Variants in ZAN observed in about 807,000 individuals in gnomAD.
The protein encoded by ZAN is zonadhesin, also known as zonadhesin (gene/pseudogene).
In ZAN, 260 loss-of-function variants were observed where a neutral mutation model predicts 286.2. That is an observed-to-expected ratio of 0.91 (90% confidence interval 0.82 to 1.01). ZAN has a LOEUF of 1.01. Among genes scored for constraint, ZAN ranks in the 50% least tolerant of loss-of-function variants. The pLI, the probability that ZAN is intolerant of heterozygous loss-of-function variation, is 0.00. For synonymous variants in ZAN, 1,368 were observed against 1,417.5 expected, an observed-to-expected ratio of 0.97 and a Z score of 0.79; for missense variants, 3,410 against 3,639.2, an observed-to-expected ratio of 0.94 and a Z score of 1.62.
chr7:100,767,538 C>T (rs540591775), intron 25 of ZAN, among the ~76,000 whole-genome samples: 7 of 132,310 alleles, frequency 5.3e-5, no homozygotes, highest in Admixed American at 4.5e-4. Context: ...TGCAGTGGTG[C>T]GATCATAGCT....
In ZAN at chr7:100,748,059, G is replaced by A. The variant is rs967703924; in HGVS notation, c.1024-78G>A. The A allele has an allele frequency of 5.8e-6, 7 of 1,210,876 alleles. No individual in the cohort carries two copies. The South Asian group carries it at 7.4e-5, about 13-fold the overall frequency. 75.0% of individuals were successfully genotyped at this position (1,210,876 alleles called of 1,614,324 possible). On this transcript the variant is annotated intron_variant, in intron 9 of 47. Coordinates refer to ENST00000613979, the MANE Select transcript of ZAN (RefSeq NM_003386.3). ...CAGGGAGTAGGGATTCTGGGTCCTG[G>A]AATGGAGTCGAGTTAGATCAGGGGC...
At chr7:100,734,957 G>A (rs150890478) in intron 2 of ZAN, among the ~76,000 whole-genome samples, 4,449 of 139,846 alleles carry the variant, frequency 0.032, 760 homozygotes, top group African/African-American at 0.11. Flanking sequence ...AGGCCGAGGC[G>A]GGCGGATCAC....
Position 100,764,110 on chromosome 7 carries a change from T to G in ZAN, c.4181T>G (p.Leu1394Arg), listed in dbSNP as rs1309710670. The G allele has an allele frequency of 6.2e-7, 1 of 1,613,370 alleles. No homozygotes were observed. The highest frequency in any genetic ancestry group is 8.5e-7 in the Non-Finnish European group (1 of 1,179,680). The change falls in exon 22 of 48, where the codon CTG becomes CGG. Residue 1394 changes from leucine to arginine, a missense_variant. Physicochemically the swap from Leu to Arg is moderately radical, Grantham distance 102. Around this residue, in one of 7 missense-constraint regions of ZAN, gnomAD observed 1,042 missense variants for 1,058.0 expected, o/e 0.98. Coordinates refer to ENST00000613979, the MANE Select transcript of ZAN (RefSeq NM_003386.3). Reference sequence around the variant, plus strand: ...TGCGGATTCCAGGGGCTGCAGCACCTGCTGTGCACACACATGTCCACCATG... The same window carrying G: ...TGCGGATTCCAGGGGCTGCAGCACCGGCTGTGCACACACATGTCCACCATG... ...DMCGFQGLQH[L>R]LCTHMSTMTT...
chr7:100,753,246 G>A lies in ZAN; in HGVS notation c.3124+17G>A. 1 of 1,554,930 alleles carries A rather than the reference G, an allele frequency of 6.4e-7. No homozygotes were observed. Among genetic ancestry groups the A allele is most frequent in the Non-Finnish European group, 8.7e-7 (1 of 1,153,012 alleles). ...CCAGTACAGGTATGAGGTGGATGGA[G>A]CGTGGGCCAAGGCTGAAAGTCAGAG... On this transcript the variant is annotated intron_variant, in intron 14 of 47. Coordinates refer to ENST00000613979, the MANE Select transcript of ZAN (RefSeq NM_003386.3).
intron 7 of ZAN, among the ~76,000 whole-genome samples, chr7:100,744,602 A>T (rs778450529): frequency 5.3e-5 from 8 of 151,050 alleles, no homozygotes; most frequent in Middle Eastern, 6.8e-3. Context: ...CATCTCAATA[A>T]AAATAAATAA....
intron 11 of ZAN, among the ~76,000 whole-genome samples, chr7:100,749,673 TATAC>T (rs1222546805): frequency 5.2e-4 from 72 of 137,838 alleles, no homozygotes; most frequent in African/African-American, 1.9e-3. Context: ...TATATATATA[TATAC>T]ACACACACAC....
chr7:100,749,452 A>G (rs935620207), intron 11 of ZAN, among the ~76,000 whole-genome samples: 1 of 150,862 alleles, frequency 6.6e-6, no homozygotes, highest in Admixed American at 6.6e-5. Flanking sequence ...CATCCTGGCT[A>G]ACACGGTGAA....
At chr7:100,751,017 T>G (rs1808626067) in intron 12 of ZAN, 121 bp downstream of exon 12, 2 of 1,447,720 alleles carry the variant, frequency 1.4e-6, no homozygotes, top group Non-Finnish European at 1.8e-6. Flanking sequence ...AAAGGGGAAC[T>G]TCGTGTTACA....
Position 100,734,161 on chromosome 7 carries a change from G to T in ZAN, c.-8G>T. On this transcript the variant is annotated 5_prime_UTR_variant, in exon 2 of 48. The change creates a new upstream start codon in the 5' untranslated region. Transcript: ENST00000613979. ...CCTCTCCCCTGGGAGCAACCACTTA[G>T]GGTCCTCATGGTTCCTCCAGTCTGG... 1 of 1,454,974 alleles carries T rather than the reference G, an allele frequency of 6.9e-7. No homozygotes were observed. Among genetic ancestry groups the T allele is most frequent in the East Asian group, 2.5e-5 (1 of 40,004 alleles). 90.1% of individuals were successfully genotyped at this position (1,454,974 alleles called of 1,614,324 possible).
At position 100,790,990 on chromosome 7, in the gene ZAN, G is replaced by GA; in HGVS notation, c.7409dup (p.Asn2470LysfsTer9). On this transcript the variant is annotated frameshift_variant, in exon 40 of 48. Transcript: ENST00000613979. LOFTEE classifies it high-confidence loss of function. ...GAGGGGCTTGTGAGTGGCCTGTGCG[G>GA]AAACTACGACAAGAACCGCAAGAAT... 6.2e-7 allele frequency: 1 copy of GA among 1,612,168 alleles called. No homozygotes were observed. Among genetic ancestry groups the GA allele is most frequent in the Non-Finnish European group, 8.5e-7 (1 of 1,179,260 alleles).
intron 35 of ZAN, among the ~76,000 whole-genome samples, chr7:100,781,935 C>G (rs1811220284): frequency 6.6e-6 from 1 of 152,138 alleles, no homozygotes; most frequent in Admixed American, 6.5e-5. Flanking sequence ...GCCACTGCAC[C>G]TGGTCATGAA....
chr7:100,751,791 C>A lies in ZAN; in HGVS notation c.1686C>A (p.Asn562Lys). 6.2e-7 allele frequency: 1 copy of A among 1,612,910 alleles called. No homozygotes were observed. Among genetic ancestry groups the A allele is most frequent in the African/African-American group, 1.3e-5 (1 of 74,866 alleles). ...CTGAAACCACTGGCCTCACAGAAAA[C>A]CCTACAATCTCCACCAAGAAACCTA... ...GPSETTGLTE[N>K]PTISTKKPTV... is the part of the protein sequence containing the mutation. The change falls in exon 14 of 48, where the codon AAC (asparagine) becomes AAA (lysine). Residue 562 changes from asparagine (N) to lysine (K), a missense_variant. Physicochemically the swap from Asn to Lys is moderately conservative, Grantham distance 94 (BLOSUM62 0). Around this residue, in one of 7 missense-constraint regions of ZAN, gnomAD observed 872 missense variants for 938.9 expected, o/e 0.93. Coordinates refer to ENST00000613979, the MANE Select transcript of ZAN (RefSeq NM_003386.3).
intron 36 of ZAN, 125 bp downstream of exon 36, chr7:100,784,959 G>A: frequency 9.0e-7 from 1 of 1,109,246 alleles, no homozygotes; most frequent in Non-Finnish European, 1.2e-6. Flanking sequence ...GTGAAGGCTG[G>A]TGTGAGTGGC....
intron 39 of ZAN, among the ~76,000 whole-genome samples, chr7:100,789,926 CAA>C (rs1051739698): frequency 3.3e-5 from 5 of 151,574 alleles, no homozygotes; most frequent in African/African-American, 9.7e-5. Flanking sequence ...GCCTGGGTGA[CAA>C]GAGCAAAACT....
intron 25 of ZAN, among the ~76,000 whole-genome samples, chr7:100,767,467 G>GTTTT (rs35803818): frequency 3.8e-5 from 3 of 77,972 alleles, no homozygotes; most frequent in African/African-American, 9.9e-5. Flanking sequence ...GTTTTTTGCC[G>GTTTT]TTTTTTTTTT....
chr7:100,753,035 C>A lies in ZAN; in HGVS notation c.2930C>A (p.Thr977Asn). ...EKPTIPTEKL[T>N]IPTEKPTIPT... The stretch of plus-strand genomic sequence containing the variant: ...CCCACCATCCCCACGGAAAAACTTA[C>A]CATCCCCACGGAAAAACCCACCATC... The change falls in exon 14 of 48, where the codon ACC (threonine) becomes AAC (asparagine). Residue 977 changes from threonine (T) to asparagine (N), a missense_variant. By Grantham distance (65) the Thr-to-Asn change is moderately conservative. Transcript: ENST00000613979. 1.9e-6 allele frequency: 3 copies of A among 1,611,752 alleles called. No homozygotes were observed. Among genetic ancestry groups the A allele is most frequent in the Non-Finnish European group, 2.5e-6 (3 of 1,178,662 alleles).
At chr7:100,773,670 A>G (rs1402111876) in intron 30 of ZAN, 51 bp from the exon 31 acceptor site, 30 of 1,581,834 alleles carry the variant, frequency 1.9e-5, no homozygotes, top group Middle Eastern at 1.7e-4. Context: ...GCGTTGGCCC[A>G]TCTCCCAATT....
chr7:100,779,296 A>T, intron 34 of ZAN, 150 bp from the exon 35 acceptor site: 3 of 795,138 alleles, frequency 3.8e-6, no homozygotes, highest in Non-Finnish European at 5.8e-6. Flanking sequence ...TCGCTTGAAC[A>T]TGGGAGGGAA....
rs768157472 is a variant in ZAN, at chr7:100,776,473, G to A, written c.6226G>A (p.Glu2076Lys). The A allele has an allele frequency of 1.9e-6, 3 of 1,603,314 alleles. No homozygotes were observed. The South Asian group carries it at 3.4e-5, about 18-fold the overall frequency. ...CATGTGTGGGAACTTCAATGATGAG[G>A]AAGAGGACGAACTAATGATGCCCAG... ...CGMCGNFNDE[E>K]EDELMMPSDE... Residue 2076 changes from glutamate to lysine, a missense_variant, in exon 34 of 48, where the codon GAA becomes AAA. Physicochemically the swap from Glu to Lys is moderately conservative, Grantham distance 56. Transcript: ENST00000613979.
Sources: allele counts gnomAD v4.1 joint callset (sites outside exome capture counted in the v4.1 genomes callset), GRCh38; gene constraint gnomAD v4.1.1; regional missense constraint gnomAD v4.1.1; transcripts MANE v1.5; gene names NCBI Gene and HGNC (gene_info 2026-07-23, HGNC 2026-07-21).